The following PCDHGA8 variants were observed in gnomAD, a reference collection of about 807,000 sequenced individuals.
PCDHGA8 encodes protocadherin gamma-A8.
Under a neutral mutation model 59.2 loss-of-function variants are expected in PCDHGA8, and 45 were observed. That is an observed-to-expected ratio of 0.76 (90% confidence interval 0.60 to 0.98). The LOEUF (loss-of-function observed/expected upper bound fraction) is 0.98, where lower values mean the gene tolerates loss of function less well. Ranked by LOEUF, PCDHGA8 falls within the 50% of genes least tolerant of loss-of-function variation. The pLI is 0.00. For missense variants in PCDHGA8, 1,257 were observed against 1,196.2 expected (o/e 1.05, Z -0.75); for synonymous variants, 531 against 519.0 (o/e 1.02, Z -0.32).
intron 1 of PCDHGA8, chr5:141,475,971 C>T (rs750016455): frequency 2.1e-5 from 20 of 954,292 alleles, no homozygotes; most frequent in Non-Finnish European, 2.9e-5. Context: ...GAGGCAGAGA[C>T]TGAACAGCCG....
intron 2 of PCDHGA8, among the ~76,000 whole-genome samples, chr5:141,502,517 G>A (rs1333510345): frequency 1.3e-5 from 2 of 152,128 alleles, no homozygotes; most frequent in Admixed American, 6.6e-5. Flanking sequence ...CCCACTATCA[G>A]TGATGCCGAG....
intron 1 of PCDHGA8, chr5:141,424,091 G>A: frequency 1.1e-6 from 1 of 879,778 alleles, no homozygotes; most frequent in Non-Finnish European, 1.4e-6. Context: ...ACCATTATTT[G>A]CTATTACTGC....
intron 1 of PCDHGA8, chr5:141,423,309 G>T (rs1401836240): frequency 6.2e-7 from 1 of 1,614,176 alleles, no homozygotes; most frequent in South Asian, 1.1e-5. Context: ...CGCTGTACTT[G>T]GTGGTGGCGG....
At chr5:141,418,131 A>C (rs1421799777) in intron 1 of PCDHGA8, 1 of 1,614,044 alleles carries the variant, frequency 6.2e-7, no homozygotes, top group East Asian at 2.2e-5. Flanking sequence ...GACCGAATAG[A>C]CCGTGAGCAA....
At position 141,473,299 on chromosome 5, in the gene PCDHGA8, G is replaced by A. The variant is rs182316672; in HGVS notation, c.2425-21508G>A. The stretch of plus-strand genomic sequence containing the variant: ...TATTTTACTATGTCAGTAGCATAAA[G>A]ATTGCTATATTAATAAGCATTAAGT... On this transcript the variant is annotated intron_variant, in intron 1 of 3. Coordinates refer to ENST00000398604, the MANE Select transcript of PCDHGA8 (RefSeq NM_032088.2). 5.6e-4 allele frequency among the ~76,000 whole-genome samples: 86 copies of A among 152,346 alleles called. 1 individual carries two copies. The highest frequency in any genetic ancestry group is 1.9e-3 in the African/African-American group (81 of 41,572).
At position 141,511,211 on chromosome 5, in the gene PCDHGA8, C is replaced by G; in HGVS notation, c.*38C>G. ...GCCAAGAGCCACAGGGCGGCCTCTC[C>G]CCAACCAGCCCAGCTTCTCCTTACC... On this transcript the variant is annotated 3_prime_UTR_variant, in exon 4 of 4. Transcript: ENST00000398604. The G allele has an allele frequency of 6.2e-7, 1 of 1,608,626 alleles. No individual in the cohort carries two copies. The highest frequency in any genetic ancestry group is 8.5e-7 in the Non-Finnish European group (1 of 1,177,476).
At chr5:141,439,190 CAA>C (rs200519543) in intron 1 of PCDHGA8, among the ~76,000 whole-genome samples, 3 of 111,702 alleles carry the variant, frequency 2.7e-5, no homozygotes, top group Non-Finnish European at 4.0e-5. Flanking sequence ...GAGACTCTGA[CAA>C]AAAAAAAAAA....
rs779735897 is a variant in PCDHGA8 at position 141,422,336 on chromosome 5, TA to T, written c.2424+27102del. 34 of 1,550,032 alleles carry T rather than the reference TA, an allele frequency of 2.2e-5. No individual in the cohort carries two copies. The East Asian group carries it at 7.2e-4, about 33-fold the overall frequency. On this transcript the variant is annotated intron_variant, in intron 1 of 3. Coordinates refer to ENST00000398604, the MANE Select transcript of PCDHGA8 (RefSeq NM_032088.2). ...CCTCCAGGTACAGTGATTGCTCTTC[TA>T]AATGTGCAAGATCAAGATTCTGGAG... is the stretch of plus-strand genomic sequence containing the variant.
At chr5:141,446,020 T>C (rs1226676321) in intron 1 of PCDHGA8, among the ~76,000 whole-genome samples, 1 of 152,180 alleles carries the variant, frequency 6.6e-6, no homozygotes, top group African/African-American at 2.4e-5. Context: ...ACTATGGCAA[T>C]ATTCCTGGTA....
chr5:141,438,629 T>C (rs1162332421), intron 1 of PCDHGA8, among the ~76,000 whole-genome samples: 9 of 48,096 alleles, frequency 1.9e-4, no homozygotes, highest in Admixed American at 6.4e-4. Context: ...TATATATATA[T>C]ATATATACAC....
intron 1 of PCDHGA8, among the ~76,000 whole-genome samples, chr5:141,433,497 C>G (rs2097615154): frequency 6.6e-6 from 1 of 152,076 alleles, no homozygotes; most frequent in Non-Finnish European, 1.5e-5. Flanking sequence ...CCCTCCCAAA[C>G]TGCTGGGATT....
intron 1 of PCDHGA8, among the ~76,000 whole-genome samples, chr5:141,452,578 C>T (rs2098744735): frequency 6.6e-6 from 1 of 152,150 alleles, no homozygotes; most frequent in African/African-American, 2.4e-5. Flanking sequence ...TCCCCCTTTC[C>T]ATCTTTGTAT....
chr5:141,491,227 C>T lies in PCDHGA8; in HGVS notation c.2425-3580C>T. 6.2e-7 allele frequency: 1 copy of T among 1,614,216 alleles called. No homozygotes were observed. The highest frequency in any genetic ancestry group is 8.5e-7 in the Non-Finnish European group (1 of 1,180,018). On this transcript the variant is annotated intron_variant, in intron 1 of 3. Coordinates refer to ENST00000398604, the MANE Select transcript of PCDHGA8 (RefSeq NM_032088.2). The surrounding 1 kb of genome is among the most constrained non-coding windows in gnomAD (Gnocchi z 6.9). Reference sequence around the variant, plus strand: ...TTCACTCTCCTCCACAGCCACAGTGCTGCTGGTTCTGGAGGATGAGGACCC... The same window carrying T: ...TTCACTCTCCTCCACAGCCACAGTGTTGCTGGTTCTGGAGGATGAGGACCC...
At chr5:141,399,092 G>T (rs573118488) in intron 1 of PCDHGA8, 2 of 1,613,810 alleles carry the variant, frequency 1.2e-6, no homozygotes, top group Non-Finnish European at 1.7e-6. Context: ...GATGGTGGTG[G>T]ACTGGTTGCA....
intron 1 of PCDHGA8, chr5:141,413,874 T>C: frequency 6.2e-7 from 1 of 1,613,424 alleles, no homozygotes; most frequent in Non-Finnish European, 8.5e-7. Context: ...TCCTTGTCAG[T>C]GTGACTGTCT....
chr5:141,490,396 A>G lies in PCDHGA8; in HGVS notation c.2425-4411A>G. ...GGACTCAGGTAGAAATGGTGAAGTGAGCCTTGATATCTCTCCGGACCTGCC... is the reference window on the plus strand; with the variant it reads ...GGACTCAGGTAGAAATGGTGAAGTGGGCCTTGATATCTCTCCGGACCTGCC... On this transcript the variant is annotated intron_variant, in intron 1 of 3. Coordinates refer to ENST00000398604, the MANE Select transcript of PCDHGA8 (RefSeq NM_032088.2). The surrounding 1 kb of genome is among the most constrained non-coding windows in gnomAD (Gnocchi z 5.4). 1 of 1,614,146 alleles carries G rather than the reference A, an allele frequency of 6.2e-7. No homozygotes were observed. The highest frequency in any genetic ancestry group is 8.5e-7 in the Non-Finnish European group (1 of 1,180,030).
chr5:141,465,865 G>A (rs374058078), intron 1 of PCDHGA8, among the ~76,000 whole-genome samples: 7 of 151,900 alleles, frequency 4.6e-5, no homozygotes, highest in African/African-American at 1.7e-4. Flanking sequence ...GCTCATGCCT[G>A]TAATCCCAGC....
intron 1 of PCDHGA8, among the ~76,000 whole-genome samples, chr5:141,492,148 G>C (rs2099737507): frequency 6.6e-6 from 1 of 152,202 alleles, no homozygotes; most frequent in Admixed American, 6.5e-5. Flanking sequence ...TGACTTCACT[G>C]TTACCCTCCC....
intron 1 of PCDHGA8, among the ~76,000 whole-genome samples, chr5:141,449,586 C>T (rs2098645911): frequency 1.6e-5 from 2 of 125,482 alleles, no homozygotes; most frequent in East Asian, 2.3e-4. Context: ...AAGACTCTGT[C>T]TCAAAAAAAA....
Sources: gnomAD v4.1 joint callset for allele counts (sites outside exome capture counted in the v4.1 genomes callset) on GRCh38, gnomAD v4.1.1 for gene constraint, Gnocchi (gnomAD v3.1) non-coding constraint, MANE v1.5 for transcripts, NCBI Gene and HGNC (gene_info 2026-07-23, HGNC 2026-07-21) for gene names.